Variants in PDE4D observed in about 807,000 individuals in gnomAD.
PDE4D encodes the protein phosphodiesterase 4D, also known as 3',5'-cyclic-AMP phosphodiesterase 4D.
In PDE4D, 24 loss-of-function variants were observed where a neutral mutation model predicts 87.4. The observed-to-expected ratio is 0.27, with a 90% CI of 0.20 to 0.39. The LOEUF is 0.39. Ranked by LOEUF, PDE4D falls within the 10% of genes least tolerant of loss-of-function variation. The pLI is 1.00. For missense variants in PDE4D, 714 were observed against 1,041.0 expected (o/e 0.69, Z 4.32); for synonymous variants, 384 against 383.2 (o/e 1.00, Z -0.02).
intron 1 of PDE4D, among the ~76,000 whole-genome samples, chr5:60,268,593 T>C (rs1750487625): frequency 6.6e-6 from 1 of 152,198 alleles, no homozygotes; most frequent in Non-Finnish European, 1.5e-5. Flanking sequence ...TACTAAGAAT[T>C]AGTTTTGCCT....
At chr5:60,471,203 G>A (rs1359045301) in intron 1 of PDE4D, among the ~76,000 whole-genome samples, 2 of 152,138 alleles carry the variant, frequency 1.3e-5, no homozygotes, top group African/African-American at 2.4e-5. Flanking sequence ...CAGATGTGGT[G>A]GAAATAGCAA....
At chr5:59,162,432 T>C (rs1781239902) in intron 5 of PDE4D, among the ~76,000 whole-genome samples, 1 of 152,182 alleles carries the variant, frequency 6.6e-6, no homozygotes, top group African/African-American at 2.4e-5. Flanking sequence ...TGACCAAGGA[T>C]TGCCTTCTAT....
chr5:59,657,758 C>T (rs976344784), intron 1 of PDE4D, among the ~76,000 whole-genome samples: 3 of 152,154 alleles, frequency 2.0e-5, no homozygotes, highest in African/African-American at 4.8e-5. Context: ...TAGCTCACAA[C>T]AGCAGCTTAA....
chr5:59,422,724 T>C (rs2153627941), intron 1 of PDE4D, among the ~76,000 whole-genome samples: 1 of 152,330 alleles, frequency 6.6e-6, no homozygotes, highest in Non-Finnish European at 1.5e-5. Context: ...CAGTAAACAT[T>C]CCAAGTACTC....
chr5:59,215,452 G>C (rs1751013014), intron 2 of PDE4D: 1 of 291,258 alleles, frequency 3.4e-6, no homozygotes, highest in African/African-American at 2.3e-5. Flanking sequence ...TAAAACTCAG[G>C]CTCTACATAA....
chr5:60,417,987 A>C (rs1742761379), intron 1 of PDE4D, among the ~76,000 whole-genome samples: 1 of 152,240 alleles, frequency 6.6e-6, no homozygotes, highest in Admixed American at 6.5e-5. Flanking sequence ...AGTATACTGC[A>C]GACAAGAACC....
At chr5:59,986,581 T>A (rs1762477581) in intron 3 of PDE4D, 1 of 152,224 alleles carries the variant, frequency 6.6e-6, no homozygotes, top group Non-Finnish European at 1.5e-5. Flanking sequence ...GAAAGTAAGA[T>A]AACTATTCTA....
At position 59,037,910 on chromosome 5, in the gene PDE4D, TTGTAAATAGG is replaced by T. The variant is rs540313189; in HGVS notation, c.921+939_921+948del. Among the ~76,000 whole-genome samples, 268 of 152,294 alleles carry T rather than the reference TTGTAAATAGG, an allele frequency of 1.8e-3. 1 individual carries two copies. The highest frequency in any genetic ancestry group is 6.1e-3 in the African/African-American group (252 of 41,568). On this transcript the variant is annotated intron_variant, in intron 6 of 14. Coordinates refer to ENST00000340635, the MANE Select transcript of PDE4D (RefSeq NM_001104631.2). ...GTAAGATAATATAACCTTCTTGACC[TTGTAAATAGG>T]TGGCCAAAAATACTTAAATATCTTG...
intron 5 of PDE4D, among the ~76,000 whole-genome samples, chr5:59,176,079 A>AC (rs1378799796): frequency 1.3e-5 from 2 of 152,206 alleles, no homozygotes; most frequent in Non-Finnish European, 2.9e-5. Flanking sequence ...CATCTTTGTC[A>AC]TATCACACTA....
intron 1 of PDE4D, among the ~76,000 whole-genome samples, chr5:60,434,216 T>C (rs1159756510): frequency 1.3e-5 from 2 of 152,164 alleles, no homozygotes; most frequent in Non-Finnish European, 2.9e-5. Context: ...GGCTTAAAAA[T>C]TGAAAAGAGT....
intron 1 of PDE4D, among the ~76,000 whole-genome samples, chr5:59,733,377 G>A (rs1757648794): frequency 6.6e-6 from 1 of 152,116 alleles, no homozygotes; most frequent in Admixed American, 6.6e-5. Flanking sequence ...TCACTGAAGA[G>A]TTTAGATTAT....
At chr5:59,384,311 A>T (rs924653197) in intron 1 of PDE4D, among the ~76,000 whole-genome samples, 1 of 152,178 alleles carries the variant, frequency 6.6e-6, no homozygotes, top group African/African-American at 2.4e-5. Flanking sequence ...ATGTAGATGC[A>T]CTTAATAACC....
chr5:59,070,168 T>C (rs915654562), intron 5 of PDE4D, among the ~76,000 whole-genome samples: 1 of 152,200 alleles, frequency 6.6e-6, no homozygotes, highest in African/African-American at 2.4e-5. Context: ...GTTATAAATA[T>C]GTCCAAAAAT....
At chr5:59,199,611 A>G (rs1283171767) in intron 2 of PDE4D, among the ~76,000 whole-genome samples, 2 of 152,128 alleles carry the variant, frequency 1.3e-5, no homozygotes, top group African/African-American at 4.8e-5. Context: ...TCCATCTATC[A>G]ATTCACCCTT....
intron 2 of PDE4D, among the ~76,000 whole-genome samples, chr5:60,112,279 C>T (rs1322667705): frequency 6.6e-6 from 1 of 152,034 alleles, no homozygotes; most frequent in Non-Finnish European, 1.5e-5. Context: ...TATTCACCAA[C>T]AAAACTAAAT....
intron 3 of PDE4D, among the ~76,000 whole-genome samples, chr5:59,947,249 G>C (rs969275290): frequency 6.6e-6 from 1 of 152,158 alleles, no homozygotes; most frequent in Non-Finnish European, 1.5e-5. Flanking sequence ...TTTGTGTAGA[G>C]AGCACTTTGC....
intron 1 of PDE4D, among the ~76,000 whole-genome samples, chr5:60,477,111 A>C (rs930868619): frequency 2.6e-5 from 4 of 152,174 alleles, no homozygotes; most frequent in African/African-American, 9.6e-5. Flanking sequence ...GCAGGAAGAA[A>C]TGCAAACCTG....
intron 5 of PDE4D, among the ~76,000 whole-genome samples, chr5:59,145,807 C>T (rs1237088976): frequency 1.3e-5 from 2 of 152,182 alleles, no homozygotes; most frequent in African/African-American, 2.4e-5. Context: ...AAATATGTAT[C>T]CAAAGATAAG....
intron 6 of PDE4D, among the ~76,000 whole-genome samples, chr5:59,026,917 G>C (rs2153381445): frequency 6.6e-6 from 1 of 152,224 alleles, no homozygotes; most frequent in Non-Finnish European, 1.5e-5. Flanking sequence ...TGGCACATTT[G>C]TCACAATTAT....
Sources: gnomAD v4.1 joint callset for allele counts (sites outside exome capture counted in the v4.1 genomes callset) on GRCh38, gnomAD v4.1.1 for gene constraint, MANE v1.5 for transcripts, NCBI Gene and HGNC (gene_info 2026-07-23, HGNC 2026-07-21) for gene names.